PACRG: variants seen among roughly 807,000 people sequenced by gnomAD.
PACRG encodes the protein parkin coregulated.
PACRG carries 29 observed loss-of-function variants against 29.7 expected under a neutral mutation model. The observed-to-expected ratio is 0.98, with a 90% confidence interval of 0.73 to 1.33. The LOEUF (loss-of-function observed/expected upper bound fraction) is 1.33. Among genes scored for constraint, PACRG ranks in the 40% most tolerant of loss-of-function variants. The pLI, the probability that PACRG is intolerant of heterozygous loss-of-function variation, is 0.00. For missense variants in PACRG, 279 were observed against 316.2 expected (o/e 0.88, Z 0.89); for synonymous variants, 116 against 118.7 (o/e 0.98, Z 0.15).
chr6:163,037,231 T>C (rs959574788), intron 2 of PACRG, among the ~76,000 whole-genome samples: 1 of 152,190 alleles, frequency 6.6e-6, no homozygotes, highest in African/African-American at 2.4e-5. Flanking sequence ...TCACTTCCCT[T>C]ACTCCCTTCT....
intron 4 of PACRG, among the ~76,000 whole-genome samples, chr6:163,269,894 C>CAAAG (rs1167434790): frequency 0.051 from 952 of 18,580 alleles, 249 homozygotes; most frequent in East Asian, 0.073. Flanking sequence ...AGAAAGAAAA[C>CAAAG]AAAGAAAGAA....
chr6:163,056,121 C>T (rs539493664), intron 2 of PACRG, among the ~76,000 whole-genome samples: 6 of 152,170 alleles, frequency 3.9e-5, no homozygotes, highest in Admixed American at 1.3e-4. Context: ...CAAGTGTTGA[C>T]GAGAATGTGG....
intron 1 of PACRG, among the ~76,000 whole-genome samples, chr6:162,813,802 G>T (rs1268902094): frequency 6.6e-6 from 1 of 152,044 alleles, no homozygotes; most frequent in Non-Finnish European, 1.5e-5. Flanking sequence ...ATTTGAAATT[G>T]TAAAAGTTTT....
Position 162,728,362 on chromosome 6 carries a change from A to G in PACRG, c.127A>G (p.Thr43Ala). The change falls in exon 1 of 5, where the codon ACA becomes GCA. Residue 43 changes from threonine to alanine, a missense_variant. By Grantham distance (58) the Thr-to-Ala change is moderately conservative. Transcript: ENST00000366888. ...QPHSLVSEGF[T>A]VKAMMKNSVV... ...TCACTCTCTGGTTTCTGAGGGTTTC[A>G]CAGTCAAAGCCATGATGAAAAACTC... The G allele has an allele frequency of 3.7e-6, 6 of 1,613,534 alleles. No individual in the cohort carries two copies. The highest frequency in any genetic ancestry group is 4.2e-6 in the Non-Finnish European group (5 of 1,180,016).
chr6:162,869,411 C>T (rs1792604798), intron 2 of PACRG, among the ~76,000 whole-genome samples: 1 of 152,018 alleles, frequency 6.6e-6, no homozygotes, highest in African/African-American at 2.4e-5. Flanking sequence ...GTGTACTAAT[C>T]CTTATTTTAT....
At chr6:163,231,344 T>C (rs1038785952) in intron 4 of PACRG, among the ~76,000 whole-genome samples, 3 of 152,248 alleles carry the variant, frequency 2.0e-5, no homozygotes, top group Admixed American at 2.0e-4. Context: ...GTCTGTGTCA[T>C]GTTAATCACA....
At chr6:163,253,687 T>C (rs1782995578) in intron 4 of PACRG, among the ~76,000 whole-genome samples, 1 of 152,188 alleles carries the variant, frequency 6.6e-6, no homozygotes, top group Non-Finnish European at 1.5e-5. Flanking sequence ...GTTTTATAAA[T>C]AGAATGCACG....
intron 4 of PACRG, among the ~76,000 whole-genome samples, chr6:163,139,898 G>T (rs1033817914): frequency 9.2e-5 from 14 of 152,122 alleles, no homozygotes; most frequent in African/African-American, 3.4e-4. Context: ...GAATGTTCTT[G>T]CTTCTCCCCT....
chr6:162,972,459 T>A (rs1801614932), intron 2 of PACRG, among the ~76,000 whole-genome samples: 1 of 152,144 alleles, frequency 6.6e-6, no homozygotes, highest in Non-Finnish European at 1.5e-5. Flanking sequence ...TCGACTATGA[T>A]CTAAATAAGC....
intron 4 of PACRG, among the ~76,000 whole-genome samples, chr6:163,110,969 A>C (rs2128319326): frequency 6.6e-6 from 1 of 152,222 alleles, no homozygotes; most frequent in East Asian, 1.9e-4. Context: ...CACATGTGTC[A>C]AATCCAAATA....
At chr6:162,842,738 T>C (rs1413183803) in intron 2 of PACRG, among the ~76,000 whole-genome samples, 1 of 130,952 alleles carries the variant, frequency 7.6e-6, no homozygotes. Flanking sequence ...CTGGTACCAG[T>C]TGTTCCTTTC....
At position 163,261,911 on chromosome 6, in the gene PACRG, C is replaced by G. The variant is rs961111596; in HGVS notation, c.614-52916C>G. ...TGAGCATCTGTGGATTTTAGGATCA[C>G]CCGGGGTCCTGGAACCAATCCCCCA... is the stretch of plus-strand genomic sequence containing the variant. On this transcript the variant is annotated intron_variant, in intron 4 of 4. Transcript: ENST00000366888. 2.6e-5 allele frequency among the ~76,000 whole-genome samples: 4 copies of G among 152,130 alleles called. No homozygotes were observed. The South Asian group carries it at 6.2e-4, about 24-fold the overall frequency.
chr6:163,129,797 C>T (rs1171021975), intron 4 of PACRG, among the ~76,000 whole-genome samples: 2 of 151,014 alleles, frequency 1.3e-5, no homozygotes, highest in Admixed American at 6.6e-5. Context: ...TCAGTTTCCT[C>T]ATCTACATCA....
rs537093136 is a variant in PACRG at position 162,758,715 on chromosome 6, A to G, written c.156+30324A>G. Among the ~76,000 whole-genome samples the G allele has an allele frequency of 1.2e-4, 18 of 152,306 alleles. No individual in the cohort carries two copies. The South Asian group carries it at 2.7e-3, about 23-fold the overall frequency. On this transcript the variant is annotated intron_variant, in intron 1 of 4. Transcript: ENST00000366888. Reference sequence around the variant, plus strand: ...TTCTCACCTATAAAAGAGGTTAATAAGAGTGTATGCCTCCTGGGGCTATGA... The same window carrying G: ...TTCTCACCTATAAAAGAGGTTAATAGGAGTGTATGCCTCCTGGGGCTATGA...
chr6:163,033,509 C>T (rs1807861846), intron 2 of PACRG, among the ~76,000 whole-genome samples: 1 of 152,156 alleles, frequency 6.6e-6, no homozygotes, highest in Non-Finnish European at 1.5e-5. Flanking sequence ...CTTTAAAACT[C>T]TATTTCCCAA....
At chr6:163,107,011 G>A (rs1342845227) in intron 4 of PACRG, among the ~76,000 whole-genome samples, 1 of 152,146 alleles carries the variant, frequency 6.6e-6, no homozygotes, top group Non-Finnish European at 1.5e-5. Context: ...TGATCAAGAA[G>A]AAAGTCATTC....
At chr6:163,130,607 T>C (rs1816695368) in intron 4 of PACRG, among the ~76,000 whole-genome samples, 2 of 152,184 alleles carry the variant, frequency 1.3e-5, no homozygotes, top group South Asian at 4.1e-4. Flanking sequence ...GTCAAGACTT[T>C]ATCAGTGATT....
At chr6:162,980,100 A>G (rs1349320954) in intron 2 of PACRG, among the ~76,000 whole-genome samples, 1 of 152,092 alleles carries the variant, frequency 6.6e-6, no homozygotes, top group Non-Finnish European at 1.5e-5. Context: ...TGTTCAGCTA[A>G]TTCATACTCT....
chr6:162,772,595 G>A (rs1470581972), intron 1 of PACRG, among the ~76,000 whole-genome samples: 2 of 152,106 alleles, frequency 1.3e-5, no homozygotes. Context: ...AGGCCCACAG[G>A]GCTCACCTTA....
Sources: gnomAD v4.1 joint callset for allele counts (sites outside exome capture counted in the v4.1 genomes callset) on GRCh38, gnomAD v4.1.1 for gene constraint, MANE v1.5 for transcripts, NCBI Gene and HGNC (gene_info 2026-07-23, HGNC 2026-07-21) for gene names.